ZNF142: variants seen among roughly 807,000 people sequenced by gnomAD.
ZNF142 encodes zinc finger protein 142 (clone pHZ-49).
ZNF142 carries 96 observed loss-of-function variants against 132.1 expected under a neutral mutation model. That is an observed-to-expected ratio of 0.73 (90% CI 0.62 to 0.86). ZNF142 has a LOEUF of 0.86. ZNF142 is among the 40% of genes least tolerant of loss of function. ZNF142 has a pLI of 0.00. For synonymous variants in ZNF142, 842 were observed against 890.1 expected, an observed-to-expected ratio of 0.95 and a Z score of 0.96; for missense variants, 2,163 against 2,336.2, an observed-to-expected ratio of 0.93 and a Z score of 1.53.
intron 10 of ZNF142, among the ~76,000 whole-genome samples, chr2:218,640,061 CA>C (rs35136548): frequency 1.8e-3 from 80 of 44,326 alleles, no homozygotes; most frequent in African/African-American, 7.5e-3. Context: ...GACTCTGTCT[CA>C]AAAAAAAAAA....
chr2:218,643,831 C>T lies in ZNF142; in HGVS notation c.3285G>A (p.Lys1095=), dbSNP rs1405302907. The change falls in exon 9 of 11, where the codon AAG becomes AAA. Residue 1095 remains lysine (K), a synonymous_variant. Coordinates refer to ENST00000411696, the MANE Select transcript of ZNF142 (RefSeq NM_001379659.1). ...LLKKCPVLLR[K]NKGLPRPDSP... is the part of the protein sequence containing the mutation. ...AATCTGGTCTGGGCAAGCCCTTGTTCTTTCTGAGTAGAACAGGGCACTTCT... is the reference window on the plus strand; with the variant it reads ...AATCTGGTCTGGGCAAGCCCTTGTTTTTTCTGAGTAGAACAGGGCACTTCT... The T allele has an allele frequency of 6.2e-7, 1 of 1,613,598 alleles. No individual in the cohort carries two copies. Among genetic ancestry groups the T allele is most frequent in the Non-Finnish European group, 8.5e-7 (1 of 1,179,702 alleles).
Position 218,643,085 on chromosome 2 carries a change from G to A in ZNF142, c.4031C>T (p.Ala1344Val). 1 of 1,607,982 alleles carries A rather than the reference G, an allele frequency of 6.2e-7. No homozygotes were observed. Among genetic ancestry groups the A allele is most frequent in the Non-Finnish European group, 8.5e-7 (1 of 1,176,992 alleles). Residue 1344 changes from alanine (A) to valine (V), a missense_variant, in exon 9 of 11, where the codon GCT (alanine) becomes GTT (valine). Ala to Val is a moderately conservative substitution (Grantham distance 64). Around this residue, in one of 7 missense-constraint regions of ZNF142, gnomAD observed 809 missense variants for 801.7 expected, o/e 1.01. Coordinates refer to ENST00000411696, the MANE Select transcript of ZNF142 (RefSeq NM_001379659.1). Reference protein sequence around the residue: ...ELHCSLCPFTAPAATALRLHQ... With the variant: ...ELHCSLCPFTVPAATALRLHQ... ...GAGCCTTAAGGCAGTGGCAGCAGGA[G>A]CAGTGAATGGGCAGAGGCTGCAGTG...
At position 218,646,160 on chromosome 2, in the gene ZNF142, G is replaced by T; in HGVS notation, c.2051+11C>A. ...TTGGGATTGGGACGGAGGCCTATGTGTGTGTTGTACCTGAGGTCCCCTGCA... is the reference window on the plus strand; with the variant it reads ...TTGGGATTGGGACGGAGGCCTATGTTTGTGTTGTACCTGAGGTCCCCTGCA... On this transcript the variant is annotated intron_variant, in intron 8 of 10. Coordinates refer to ENST00000411696, the MANE Select transcript of ZNF142 (RefSeq NM_001379659.1). 1 of 1,611,630 alleles carries T rather than the reference G, an allele frequency of 6.2e-7. No homozygotes were observed. The highest frequency in any genetic ancestry group is 8.5e-7 in the Non-Finnish European group (1 of 1,179,008).
chr2:218,644,496 G>A lies in ZNF142; in HGVS notation c.2620C>T (p.Pro874Ser). The A allele has an allele frequency of 1.2e-6, 2 of 1,613,974 alleles. No homozygotes were observed. The highest frequency in any genetic ancestry group is 1.7e-6 in the Non-Finnish European group (2 of 1,180,016). ...CTGCCACCCAGGTCACCCCCATGGG[G>A]AGCCTCACTGCCCTCCTGTCTTCCA... ...NTGRQEGSEA[P>S]HGGDLGGSPS... The change falls in exon 9 of 11, where the codon CCC becomes TCC. Residue 874 changes from proline to serine, a missense_variant. Coordinates refer to ENST00000411696, the MANE Select transcript of ZNF142 (RefSeq NM_001379659.1). This position sits in a 1 kb window ranked among gnomAD's most constrained non-coding sequence, Gnocchi z 4.6.
rs1696717971 is a variant in ZNF142, at chr2:218,635,980, T to C, written c.*2359A>G. 1 of 1,612,786 alleles carries C rather than the reference T, an allele frequency of 6.2e-7. No individual in the cohort carries two copies. Among genetic ancestry groups the C allele is most frequent in the African/African-American group, 1.3e-5 (1 of 75,050 alleles). On this transcript the variant is annotated 3_prime_UTR_variant, in exon 11 of 11. Coordinates refer to ENST00000411696, the MANE Select transcript of ZNF142 (RefSeq NM_001379659.1). ...AGGTGGGGGTAGGAGCATGATTAGT[T>C]TTCCTTCTAGTCTGTCTTCCATTAA...
rs752344468 is a variant in ZNF142, at chr2:218,642,966, G to A, written c.4150C>T (p.Arg1384Cys). Residue 1384 changes from arginine to cysteine, a missense_variant, in exon 9 of 11, where the codon CGT becomes TGT. Physicochemically the swap from Arg to Cys is radical, Grantham distance 180 (BLOSUM62 -3). Transcript: ENST00000411696. This position sits in a 1 kb window ranked among gnomAD's most constrained non-coding sequence, Gnocchi z 4.6. The stretch of plus-strand genomic sequence containing the variant: ...AGCCGCCGGTGCTGCTGCATGCAAC[G>A]GCTCTGTTTACAGGTGAAGCCACAG... Reference protein sequence around the residue: ...GDCGFTCKQSRCMQQHRRLKH... With the variant: ...GDCGFTCKQSCCMQQHRRLKH... 1.2e-5 allele frequency: 19 copies of A among 1,613,428 alleles called. No homozygotes were observed. Among genetic ancestry groups the A allele is most frequent in the African/African-American group, 5.3e-5 (4 of 74,934 alleles).
At chr2:218,655,027 T>C (rs1938357359) in intron 4 of ZNF142, among the ~76,000 whole-genome samples, 1 of 152,102 alleles carries the variant, frequency 6.6e-6, no homozygotes, top group Non-Finnish European at 1.5e-5. Flanking sequence ...AGGTCAAGGC[T>C]GCAGTGAGCC....
chr2:218,656,071 T>C (rs1938454234), intron 4 of ZNF142, 79 bp downstream of exon 4: 17 of 1,438,148 alleles, frequency 1.2e-5, no homozygotes, highest in Non-Finnish European at 1.6e-5. Flanking sequence ...TCTCATCATA[T>C]TTATACAGAA....
At position 218,635,743 on chromosome 2, in the gene ZNF142, G is replaced by T. The variant is rs963704058; in HGVS notation, c.*2596C>A. ...CTCCCCTGGGGTTGGGAGTAGGGTC[G>T]GGTGGGGCTGGGCTGAGCAGGAACT... On this transcript the variant is annotated 3_prime_UTR_variant, in exon 11 of 11. Transcript: ENST00000411696. 7.0e-6 allele frequency: 11 copies of T among 1,578,036 alleles called. No individual in the cohort carries two copies. The highest frequency in any genetic ancestry group is 1.2e-5 in the South Asian group (1 of 86,546).
intron 5 of ZNF142, among the ~76,000 whole-genome samples, chr2:218,651,388 G>A (rs1326036749): frequency 1.3e-5 from 2 of 152,186 alleles, no homozygotes; most frequent in Non-Finnish European, 2.9e-5. Context: ...AGCCAATGAT[G>A]GTCATTTTCA....
At position 218,634,157 on chromosome 2, in the gene ZNF142, C is replaced by T. The variant is rs183605922; in HGVS notation, c.*4182G>A. On this transcript the variant is annotated 3_prime_UTR_variant, in exon 11 of 11. Coordinates refer to ENST00000411696, the MANE Select transcript of ZNF142 (RefSeq NM_001379659.1). This position sits in a 1 kb window ranked among gnomAD's most constrained non-coding sequence, Gnocchi z 4.0. ...GGCAGTTAAGCCGTGTGTATCCCAG[C>T]GGCCTGAGGACAGACTCTTCCAACT... is the stretch of plus-strand genomic sequence containing the variant. 1,256 of 1,612,672 alleles carry T rather than the reference C, an allele frequency of 7.8e-4. No individual in the cohort carries two copies. Among genetic ancestry groups the T allele is most frequent in the Non-Finnish European group, 9.4e-4 (1,103 of 1,179,372 alleles).
At position 218,638,262 on chromosome 2, in the gene ZNF142, C is replaced by G. The variant is rs1406405559; in HGVS notation, c.*77G>C. The stretch of plus-strand genomic sequence containing the variant: ...AGCCAGTCTTTCCTTAGGCTCTGAG[C>G]TCCTCAGGCTAGCGCTGGTCCCAGT... On this transcript the variant is annotated 3_prime_UTR_variant, in exon 11 of 11. Coordinates refer to ENST00000411696, the MANE Select transcript of ZNF142 (RefSeq NM_001379659.1). 1 of 1,356,304 alleles carries G rather than the reference C, an allele frequency of 7.4e-7. No individual in the cohort carries two copies. Among genetic ancestry groups the G allele is most frequent in the Non-Finnish European group, 9.6e-7 (1 of 1,039,018 alleles). 84.0% of individuals were successfully genotyped at this position (1,356,304 alleles called of 1,614,324 possible).
Position 218,636,430 on chromosome 2 carries a change from C to T in ZNF142, c.*1909G>A. 1.9e-6 allele frequency: 3 copies of T among 1,614,022 alleles called. No homozygotes were observed. Among genetic ancestry groups the T allele is most frequent in the Admixed American group, 1.7e-5 (1 of 60,034 alleles). ...CTTTGGCCCCTGGCCAATACCCCAG[C>T]TCTGGCTGCCTTCCTAATGCTGTCC... On this transcript the variant is annotated 3_prime_UTR_variant, in exon 11 of 11. Transcript: ENST00000411696.
Position 218,638,432 on chromosome 2 carries a change from G to A in ZNF142, c.5571C>T (p.Asp1857=), listed in dbSNP as rs1192035763. 2 of 1,568,538 alleles carry A rather than the reference G, an allele frequency of 1.3e-6. No homozygotes were observed. Among genetic ancestry groups the A allele is most frequent in the Non-Finnish European group, 1.7e-6 (2 of 1,152,002 alleles). The part of the protein sequence containing the change: ...QADPNQGVGK[D]PTTPTVHLHD... ...GCAGGTGCACTGTGGGGGTGGTGGG[G>A]TCTTTGCCCACACCCTGGTTTGGGT... The change falls in exon 11 of 11, where the codon GAC becomes GAT. Residue 1857 remains aspartate, a synonymous_variant. Coordinates refer to ENST00000411696, the MANE Select transcript of ZNF142 (RefSeq NM_001379659.1).
rs372301169 is a variant in ZNF142 at position 218,646,195 on chromosome 2, A to G, written c.2027T>C (p.Met676Thr). 4.3e-6 allele frequency: 7 copies of G among 1,613,958 alleles called. No individual in the cohort carries two copies. In the South Asian group the frequency reaches 5.5e-5, roughly 13 times the overall value. The change falls in exon 8 of 11, where the codon ATG becomes ACG. Residue 676 changes from methionine to threonine, a missense_variant. Physicochemically the swap from Met to Thr is moderately conservative, Grantham distance 81. Around this residue, in one of 7 missense-constraint regions of ZNF142, gnomAD observed 749 missense variants for 830.3 expected, o/e 0.90. Coordinates refer to ENST00000411696, the MANE Select transcript of ZNF142 (RefSeq NM_001379659.1). ...CCTGAGGTCCCCTGCATGTTTTCGC[A>G]TGTGCACACGGAGGTAGTGCTTCCA... ...TKWKHYLRVH[M>T]RKHAGDLRYQ...
At chr2:218,646,463 G>T in intron 7 of ZNF142, 115 bp from the exon 8 acceptor site, 1 of 1,203,654 alleles carries the variant, frequency 8.3e-7, no homozygotes, top group Non-Finnish European at 1.2e-6. Flanking sequence ...ACAGCTTCAT[G>T]TGCTACCTGA....
At position 218,634,152 on chromosome 2, in the gene ZNF142, C is replaced by T; in HGVS notation, c.*4187G>A. 1 of 1,612,814 alleles carries T rather than the reference C, an allele frequency of 6.2e-7. No individual in the cohort carries two copies. The highest frequency in any genetic ancestry group is 8.5e-7 in the Non-Finnish European group (1 of 1,179,410). Reference sequence around the variant, plus strand: ...TACTTGGCAGTTAAGCCGTGTGTATCCCAGCGGCCTGAGGACAGACTCTTC... The same window carrying T: ...TACTTGGCAGTTAAGCCGTGTGTATTCCAGCGGCCTGAGGACAGACTCTTC... On this transcript the variant is annotated 3_prime_UTR_variant, in exon 11 of 11. Transcript: ENST00000411696. This position sits in a 1 kb window ranked among gnomAD's most constrained non-coding sequence, Gnocchi z 4.0.
chr2:218,658,583 G>A (rs2106300937), intron 3 of ZNF142, 118 bp downstream of exon 3: 1 of 152,250 alleles, frequency 6.6e-6, no homozygotes, highest in South Asian at 2.1e-4. Flanking sequence ...CAATCTGATA[G>A]TCCCTATTTC....
At chr2:218,648,037 C>G (rs1201493736) in intron 7 of ZNF142, among the ~76,000 whole-genome samples, 2 of 152,136 alleles carry the variant, frequency 1.3e-5, no homozygotes, top group South Asian at 2.1e-4. Context: ...CTAAAAATGT[C>G]CTGTCAATCC....
Sources: allele counts gnomAD v4.1 joint callset (sites outside exome capture counted in the v4.1 genomes callset), GRCh38; gene constraint gnomAD v4.1.1; regional missense constraint gnomAD v4.1.1; non-coding constraint Gnocchi (gnomAD v3.1); transcripts MANE v1.5; gene names NCBI Gene and HGNC (gene_info 2026-07-23, HGNC 2026-07-21).